THUMPD2: variants seen among roughly 807,000 people sequenced by gnomAD.
THUMPD2 encodes THUMP domain 2 tRNA and snRNA guanosine methyltransferase, also known as U6 snRNA (guanine-N(2))-methyltransferase THUMPD2.
A neutral mutation model predicts 49.4 loss-of-function variants in THUMPD2; 56 were observed. The ratio of observed to expected loss-of-function variants is 1.13; its 90% CI spans 0.91 to 1.41. THUMPD2 has a LOEUF of 1.41. THUMPD2 is among the 40% of genes most tolerant of loss of function. The pLI is 0.00. For synonymous variants in THUMPD2, 237 were observed against 205.2 expected (o/e 1.15, Z -1.32); for missense variants, 709 against 594.5 (o/e 1.19, Z -2.00).
In THUMPD2 at chr2:39,771,639, A is replaced by G. The variant is rs1678327667; in HGVS notation, c.128T>C (p.Val43Ala). ...EVRARLAATQ[V>A]EYISGKVFFT... ...AAAAACCTTTCCTGAAATATATTCA[A>G]CCTAGAAATAGAAAAACAGCTTTTA... Residue 43 changes from valine to alanine, a missense_variant and splice_region_variant, in exon 2 of 10, where the codon GTT (valine) becomes GCT (alanine). Physicochemically the swap from Val to Ala is moderately conservative, Grantham distance 64 (BLOSUM62 0). Coordinates refer to ENST00000505747, the MANE Select transcript of THUMPD2 (RefSeq NM_025264.5). 2 of 1,600,484 alleles carry G rather than the reference A, an allele frequency of 1.2e-6. No individual in the cohort carries two copies. Among genetic ancestry groups the G allele is most frequent in the African/African-American group, 1.4e-5 (1 of 73,928 alleles).
intron 8 of THUMPD2, among the ~76,000 whole-genome samples, chr2:39,754,028 A>G (rs1316202527): frequency 1.3e-5 from 2 of 152,106 alleles, no homozygotes; most frequent in Non-Finnish European, 2.9e-5. Context: ...ATGCCCCCTA[A>G]AGTGAAAATA....
chr2:39,736,189 T>A lies in THUMPD2; in HGVS notation c.*546A>T, dbSNP rs1163885658. ...GAAAAAAAGCAAATTTCATTTTCCA[T>A]CATGTTTTGAAGGATACTGGCTTAA... On this transcript the variant is annotated 3_prime_UTR_variant, in exon 10 of 10. Transcript: ENST00000505747. 1 of 152,234 alleles carries A rather than the reference T, an allele frequency of 6.6e-6. No homozygotes were observed. Among genetic ancestry groups the A allele is most frequent in the African/African-American group, 2.4e-5 (1 of 41,462 alleles). 9.4% of individuals were successfully genotyped at this position (152,234 alleles called of 1,614,324 possible).
intron 1 of THUMPD2, among the ~76,000 whole-genome samples, chr2:39,775,924 T>C (rs372956353): frequency 6.6e-6 from 1 of 152,264 alleles, no homozygotes; most frequent in East Asian, 1.9e-4. Flanking sequence ...GATGCCACCA[T>C]TAAAAAACAA....
rs1200466583 is a variant in THUMPD2 at position 39,758,651 on chromosome 2, A to G, written c.891+2680T>C. Among the ~76,000 whole-genome samples, 5 of 152,198 alleles carry G rather than the reference A, an allele frequency of 3.3e-5. No individual in the cohort carries two copies. In the East Asian group the frequency reaches 9.6e-4, roughly 29 times the overall value. On this transcript the variant is annotated intron_variant, in intron 6 of 9. Transcript: ENST00000505747. ...CTGACAGATTCTCTTTACACTGCTG[A>G]GCCTGGGGTGCCAGAGATCCATTTG...
At position 39,744,398 on chromosome 2, in the gene THUMPD2, T is replaced by C. The variant is rs1674303202; in HGVS notation, c.1159A>G (p.Ile387Val). 6.3e-7 allele frequency: 1 copy of C among 1,582,926 alleles called. No individual in the cohort carries two copies. Among genetic ancestry groups the C allele is most frequent in the Non-Finnish European group, 8.6e-7 (1 of 1,168,274 alleles). ...TCCATTTCTTGTAGAATGCTTTTGATGTCTTTTCCTAACTTAAACTTTTTC... is the reference window on the plus strand; with the variant it reads ...TCCATTTCTTGTAGAATGCTTTTGACGTCTTTTCCTAACTTAAACTTTTTC... ...FGKKFKLGKD[I>V]KSILQEMERV... is the part of the protein sequence containing the mutation. The change falls in exon 9 of 10, where the codon ATC becomes GTC. Residue 387 changes from isoleucine to valine, a missense_variant. Physicochemically the swap from Ile to Val is conservative, Grantham distance 29. Transcript: ENST00000505747.
chr2:39,763,781 A>G (rs1324695706), intron 5 of THUMPD2, among the ~76,000 whole-genome samples: 3 of 152,158 alleles, frequency 2.0e-5, no homozygotes, highest in Non-Finnish European at 4.4e-5. Flanking sequence ...GCTGTTTAAC[A>G]TATTTACAAG....
chr2:39,769,022 C>T (rs2148329906), intron 3 of THUMPD2: 2 of 1,304,698 alleles, frequency 1.5e-6, no homozygotes, highest in Admixed American at 2.3e-5. Context: ...GTGGTGTTCG[C>T]TCTTCTCTAC....
In THUMPD2 at chr2:39,761,431, GA is replaced by G. The variant is rs1558519411; in HGVS notation, c.804-14del. ...GGCTAGGGAAACCCTACAAAGGATAGAATCTGATTATATATTATTACACATT... is the reference window on the plus strand; with the variant it reads ...GGCTAGGGAAACCCTACAAAGGATAGATCTGATTATATATTATTACACATT... On this transcript the variant is annotated splice_polypyrimidine_tract_variant and intron_variant, in intron 5 of 9. Transcript: ENST00000505747. 5.6e-6 allele frequency: 9 copies of G among 1,609,852 alleles called. No individual in the cohort carries two copies. Among genetic ancestry groups the G allele is most frequent in the Non-Finnish European group, 6.8e-6 (8 of 1,176,556 alleles).
At chr2:39,772,098 A>G (rs1292719707) in intron 1 of THUMPD2, among the ~76,000 whole-genome samples, 3 of 152,220 alleles carry the variant, frequency 2.0e-5, no homozygotes, top group Non-Finnish European at 4.4e-5. Flanking sequence ...CTAAGTAGCA[A>G]TGACTATGAA....
intron 9 of THUMPD2, among the ~76,000 whole-genome samples, chr2:39,742,083 G>A (rs1673968759): frequency 6.6e-6 from 1 of 152,228 alleles, no homozygotes; most frequent in East Asian, 1.9e-4. Context: ...GCCTGTGACT[G>A]AAGAACTATT....
At chr2:39,758,960 TAA>T (rs1194100118) in intron 6 of THUMPD2, among the ~76,000 whole-genome samples, 1 of 152,256 alleles carries the variant, frequency 6.6e-6, no homozygotes, top group Admixed American at 6.5e-5. Context: ...CTTTTGAAGC[TAA>T]AAAGTCAGGA....
rs115534844 is a variant in THUMPD2 at position 39,777,042 on chromosome 2, T to C, written c.126+2072A>G. 8.5e-3 allele frequency among the ~76,000 whole-genome samples: 1,299 copies of C among 152,348 alleles called. 17 individuals are homozygous for C. The highest frequency in any genetic ancestry group is 0.029 in the African/African-American group (1,224 of 41,584). On this transcript the variant is annotated intron_variant, in intron 1 of 9. Transcript: ENST00000505747. ...TTTACATTTTAGAGTGTTAATTTCC[T>C]TGATGCGATCCAAAGTTTCTAACAC...
intron 4 of THUMPD2, among the ~76,000 whole-genome samples, chr2:39,766,368 A>G (rs1677519488): frequency 6.6e-6 from 1 of 152,180 alleles, no homozygotes; most frequent in African/African-American, 2.4e-5. Flanking sequence ...AGAACTCAAA[A>G]CCAACTTTCT....
intron 8 of THUMPD2, among the ~76,000 whole-genome samples, chr2:39,748,614 G>A (rs535600085): frequency 1.3e-5 from 2 of 152,184 alleles, no homozygotes; most frequent in East Asian, 1.9e-4. Flanking sequence ...CTTGAACCCA[G>A]GAGGCGGAGG....
At chr2:39,761,274 ATAAGT>A (rs1325566836) in intron 6 of THUMPD2, 52 bp downstream of exon 6, 30 of 1,461,320 alleles carry the variant, frequency 2.1e-5, no homozygotes, top group African/African-American at 1.7e-4. Context: ...AAGAGACTGT[ATAAGT>A]TAATTATGAA....
At chr2:39,745,952 T>C (rs1674523428) in intron 8 of THUMPD2, among the ~76,000 whole-genome samples, 1 of 151,018 alleles carries the variant, frequency 6.6e-6, no homozygotes, top group Non-Finnish European at 1.5e-5. Context: ...TGCTGCTCAC[T>C]AACTGTGGGA....
intron 1 of THUMPD2, among the ~76,000 whole-genome samples, chr2:39,771,916 G>C (rs1198004043): frequency 6.6e-6 from 1 of 152,140 alleles, no homozygotes; most frequent in Non-Finnish European, 1.5e-5. Flanking sequence ...GATATTTATT[G>C]AAGACCTACC....
chr2:39,750,260 G>C (rs1463253623), intron 8 of THUMPD2, among the ~76,000 whole-genome samples: 3 of 152,200 alleles, frequency 2.0e-5, no homozygotes, highest in Non-Finnish European at 4.4e-5. Flanking sequence ...ACCACCATCT[G>C]TTGTTTCTGG....
At chr2:39,766,258 A>T in intron 4 of THUMPD2, 149 bp from the exon 5 acceptor site, 1 of 497,114 alleles carries the variant, frequency 2.0e-6, no homozygotes, top group Non-Finnish European at 3.4e-6. Flanking sequence ...AAAATGTTCT[A>T]TAATCTTTTT....
Sources: gnomAD v4.1 joint callset for allele counts (sites outside exome capture counted in the v4.1 genomes callset) on GRCh38, gnomAD v4.1.1 for gene constraint, MANE v1.5 for transcripts, NCBI Gene and HGNC (gene_info 2026-07-23, HGNC 2026-07-21) for gene names.